The following MORC1 variants were observed in gnomAD, a reference collection of about 807,000 sequenced individuals.
MORC1 encodes MORC family CW-type zinc finger 1.
In MORC1, 59 loss-of-function variants were observed where a neutral mutation model predicts 134.9. That is an observed-to-expected ratio of 0.44 (90% CI 0.35 to 0.54). MORC1 has a LOEUF of 0.54. Ranked by LOEUF, MORC1 falls within the 20% of genes least tolerant of loss-of-function variation. The probability of loss-of-function intolerance (pLI) is 0.00; values close to 1 mark genes in which losing one functional copy is unlikely to be tolerated. For missense variants in MORC1, 947 were observed against 1,134.5 expected (o/e 0.83, Z 2.37); for synonymous variants, 395 against 391.7 (o/e 1.01, Z -0.10).
intron 21 of MORC1, among the ~76,000 whole-genome samples, chr3:108,995,498 C>T (rs1355623903): frequency 6.6e-6 from 1 of 152,142 alleles, no homozygotes; most frequent in Non-Finnish European, 1.5e-5. Context: ...AAAGGTAAAG[C>T]AACAACAGCT....
Position 109,062,000 on chromosome 3 carries a change from T to C in MORC1, c.954A>G (p.Leu318=), listed in dbSNP as rs770259507. The change falls in exon 11 of 28, where the codon TTA becomes TTG. Residue 318 remains leucine, a synonymous_variant. Coordinates refer to ENST00000232603, the MANE Select transcript of MORC1 (RefSeq NM_014429.4). ...IKVNQCDRTS[L]SSAKDVLQRA... ...TTACATGTCGTACCTTGGCAGAAGATAAAGAGGTTCTGTCACACTGGTTTA... is the reference window on the plus strand; with the variant it reads ...TTACATGTCGTACCTTGGCAGAAGACAAAGAGGTTCTGTCACACTGGTTTA... 2 of 1,613,864 alleles carry C rather than the reference T, an allele frequency of 1.2e-6. No individual in the cohort carries two copies. Among genetic ancestry groups the C allele is most frequent in the Non-Finnish European group, 1.7e-6 (2 of 1,179,910 alleles).
chr3:109,055,339 G>GA (rs1467824135), intron 13 of MORC1, among the ~76,000 whole-genome samples: 7 of 152,160 alleles, frequency 4.6e-5, no homozygotes, highest in Non-Finnish European at 8.8e-5. Context: ...TTCTATGAAG[G>GA]AATCACAGAG....
intron 10 of MORC1, 62 bp downstream of exon 10, chr3:109,063,090 G>A: frequency 8.1e-7 from 1 of 1,236,592 alleles, no homozygotes; most frequent in Non-Finnish European, 1.2e-6. Context: ...CAAAATAAGT[G>A]CACAATTAAC....
chr3:109,054,112 T>C (rs749395381), intron 14 of MORC1, among the ~76,000 whole-genome samples: 2 of 151,634 alleles, frequency 1.3e-5, no homozygotes, highest in Admixed American at 1.3e-4. Context: ...TAAAACTCTG[T>C]CTCTACTAAA....
chr3:109,091,445 A>AT (rs60191788), intron 8 of MORC1, among the ~76,000 whole-genome samples: 93,000 of 145,958 alleles, frequency 0.64, 29,904 homozygotes, highest in East Asian at 0.82. Context: ...CTCCATCTAA[A>AT]AAAATAAATA....
In MORC1 at chr3:109,035,416, G is replaced by T. The variant is rs758284901; in HGVS notation, c.1383C>A (p.Ile461=). 6.5e-7 allele frequency: 1 copy of T among 1,539,098 alleles called. No individual in the cohort carries two copies. The highest frequency in any genetic ancestry group is 8.9e-7 in the Non-Finnish European group (1 of 1,126,570). The change falls in exon 15 of 28, where the codon ATC becomes ATA. Residue 461 remains isoleucine (I), a synonymous_variant. Transcript: ENST00000232603. ...FCNEFGYQND[I]DVEKPLNSFQ... ...AAGAATTTAAAGGTTTCTCCACATC[G>T]ATGTCATTCTGGTATCCAAATTCAT...
intron 26 of MORC1, among the ~76,000 whole-genome samples, chr3:108,963,843 A>G (rs757306069): frequency 6.6e-6 from 1 of 152,236 alleles, no homozygotes; most frequent in African/African-American, 2.4e-5. Flanking sequence ...TAAGGAGGAA[A>G]GAGACACATG....
At chr3:108,973,593 TG>T (rs776232001) in intron 24 of MORC1, among the ~76,000 whole-genome samples, 1,084 of 91,472 alleles carry the variant, frequency 0.012, 21 homozygotes, top group South Asian at 0.048. Context: ...TGCTTTGTTT[TG>T]GTTTTTTTTT....
At chr3:109,071,456 G>A (rs1226491689) in intron 8 of MORC1, among the ~76,000 whole-genome samples, 1 of 152,048 alleles carries the variant, frequency 6.6e-6, no homozygotes, top group Non-Finnish European at 1.5e-5. Flanking sequence ...GGATCTTCAA[G>A]GTCTCCCCTA....
chr3:109,028,579 G>C (rs1490559486), intron 16 of MORC1, among the ~76,000 whole-genome samples: 1 of 152,114 alleles, frequency 6.6e-6, no homozygotes, highest in Non-Finnish European at 1.5e-5. Context: ...ACAATAAACA[G>C]GCTATGGATG....
chr3:109,045,473 G>C (rs1025029733), intron 14 of MORC1, among the ~76,000 whole-genome samples: 4 of 152,142 alleles, frequency 2.6e-5, no homozygotes, highest in African/African-American at 9.7e-5. Flanking sequence ...CCAATCAGTT[G>C]GTAATGATGC....
chr3:109,114,286 G>A, intron 2 of MORC1, 98 bp downstream of exon 2: 1 of 1,077,290 alleles, frequency 9.3e-7, no homozygotes. Flanking sequence ...CATTCCAGAT[G>A]GGAAAATATG....
intron 27 of MORC1, among the ~76,000 whole-genome samples, chr3:108,962,602 A>G (rs1228075140): frequency 2.6e-5 from 4 of 152,190 alleles, no homozygotes; most frequent in Admixed American, 6.5e-5. Context: ...CTCAGGGCCT[A>G]TATTTGAGGA....
chr3:109,049,208 T>C (rs1208950891), intron 14 of MORC1: 35 of 948,264 alleles, frequency 3.7e-5, no homozygotes, highest in East Asian at 1.2e-4. Context: ...AATTGCATCA[T>C]ATGGAAAACA....
chr3:109,028,828 G>A (rs954306046), intron 16 of MORC1, among the ~76,000 whole-genome samples: 1 of 152,122 alleles, frequency 6.6e-6, no homozygotes, highest in Non-Finnish European at 1.5e-5. Context: ...GGCATGGAGG[G>A]GAAGGAACAC....
At chr3:109,045,903 A>G (rs1035987975) in intron 14 of MORC1, among the ~76,000 whole-genome samples, 2 of 152,290 alleles carry the variant, frequency 1.3e-5, no homozygotes, top group East Asian at 3.9e-4. Context: ...ATGGCCATGT[A>G]GCATCATTTT....
chr3:109,069,908 G>A, intron 8 of MORC1, 151 bp from the exon 9 acceptor site: 4 of 751,298 alleles, frequency 5.3e-6, no homozygotes, highest in Non-Finnish European at 7.8e-6. Flanking sequence ...ACAAACACCA[G>A]CAAATATCAC....
chr3:109,015,322 C>T (rs1948792081), intron 17 of MORC1, among the ~76,000 whole-genome samples: 1 of 152,180 alleles, frequency 6.6e-6, no homozygotes, highest in Non-Finnish European at 1.5e-5. Context: ...GACAGCTGCA[C>T]TGAGCACCTT....
At chr3:109,080,175 AAAAG>A (rs1950496373) in intron 8 of MORC1, among the ~76,000 whole-genome samples, 1 of 152,180 alleles carries the variant, frequency 6.6e-6, no homozygotes, top group Non-Finnish European at 1.5e-5. Context: ...GGCAATTTAC[AAAAG>A]AAAGAGGTTT....
Sources: gnomAD v4.1 joint callset for allele counts (sites outside exome capture counted in the v4.1 genomes callset) on GRCh38, gnomAD v4.1.1 for gene constraint, MANE v1.5 for transcripts, NCBI Gene and HGNC (gene_info 2026-07-23, HGNC 2026-07-21) for gene names.